Variants in CCDC141 observed in about 807,000 individuals in gnomAD.
CCDC141 encodes the protein coiled-coil domain-containing protein 141.
In CCDC141, 168 loss-of-function variants were observed where a neutral mutation model predicts 181.0. The ratio of observed to expected loss-of-function variants is 0.93; its 90% CI spans 0.82 to 1.05. The LOEUF is 1.05. Ranked by LOEUF, CCDC141 falls within the 50% of genes least tolerant of loss-of-function variation. The pLI is 0.00. For missense variants in CCDC141, 1,902 were observed against 1,788.5 expected (o/e 1.06, Z -1.14); for synonymous variants, 666 against 642.3 (o/e 1.04, Z -0.56).
chr2:178,855,550 AAAAC>A lies in CCDC141; in HGVS notation c.2866-13_2866-10del. 6.4e-7 allele frequency: 1 copy of A among 1,552,564 alleles called. No individual in the cohort carries two copies. Among genetic ancestry groups the A allele is most frequent in the Non-Finnish European group, 8.7e-7 (1 of 1,153,780 alleles). ...ATTTTCCTTTTCAAAGCCTGTGTGA[AAAAC>A]AAAAAGTTTTTTAAACAACATTCAA... On this transcript the variant is annotated splice_polypyrimidine_tract_variant and intron_variant, in intron 18 of 23. Coordinates refer to ENST00000443758, the MANE Select transcript of CCDC141 (RefSeq NM_173648.4).
intron 22 of CCDC141, among the ~76,000 whole-genome samples, chr2:178,843,487 A>G (rs1285472168): frequency 6.6e-6 from 1 of 152,226 alleles, no homozygotes; most frequent in Non-Finnish European, 1.5e-5. Flanking sequence ...ATTGGGAATA[A>G]AACACCATCA....
intron 7 of CCDC141, among the ~76,000 whole-genome samples, chr2:178,909,775 A>G (rs776651123): frequency 2.0e-5 from 3 of 152,174 alleles, no homozygotes; most frequent in Non-Finnish European, 4.4e-5. Flanking sequence ...AGTACAGAAC[A>G]TATTATTTCT....
At chr2:179,040,499 C>G (rs764147071) in intron 2 of CCDC141, among the ~76,000 whole-genome samples, 1 of 152,138 alleles carries the variant, frequency 6.6e-6, no homozygotes, top group Non-Finnish European at 1.5e-5. Context: ...ACCCTAGTAT[C>G]CATTAGGTAT....
intron 6 of CCDC141, among the ~76,000 whole-genome samples, chr2:178,924,283 A>G (rs1044436349): frequency 1.3e-5 from 2 of 152,242 alleles, no homozygotes; most frequent in African/African-American, 4.8e-5. Flanking sequence ...GAGTTCATGT[A>G]TAGTTCCCAA....
intron 2 of CCDC141, 73 bp downstream of exon 2, chr2:179,047,211 G>C: frequency 7.4e-7 from 1 of 1,353,158 alleles, no homozygotes; most frequent in Non-Finnish European, 9.7e-7. Context: ...AACAGCAGAG[G>C]AATCAAGAAG....
At chr2:178,886,683 A>G in intron 10 of CCDC141, 69 bp downstream of exon 10, 1 of 1,017,922 alleles carries the variant, frequency 9.8e-7, no homozygotes, top group Non-Finnish European at 1.4e-6. Context: ...TTAAGTTTAT[A>G]GCTATCAAAT....
chr2:178,990,881 G>A (rs1692021668), intron 2 of CCDC141, among the ~76,000 whole-genome samples: 1 of 152,108 alleles, frequency 6.6e-6, no homozygotes, highest in Non-Finnish European at 1.5e-5. Flanking sequence ...CTAGATAGAG[G>A]TGATGGTTGC....
intron 5 of CCDC141, among the ~76,000 whole-genome samples, chr2:178,949,452 G>C (rs1015950895): frequency 2.6e-5 from 4 of 152,022 alleles, no homozygotes; most frequent in Non-Finnish European, 5.9e-5. Flanking sequence ...TTGTAGGTAG[G>C]GACAGAAATG....
At chr2:178,878,583 TG>T (rs1686458739) in intron 11 of CCDC141, among the ~76,000 whole-genome samples, 1 of 150,584 alleles carries the variant, frequency 6.6e-6, no homozygotes, top group East Asian at 2.0e-4. Flanking sequence ...CCTGTCAAAG[TG>T]CTGGGATTAC....
intron 6 of CCDC141, among the ~76,000 whole-genome samples, chr2:178,941,095 CA>C (rs2154376838): frequency 6.6e-6 from 1 of 152,306 alleles, no homozygotes; most frequent in South Asian, 2.1e-4. Context: ...GCCTCTAAGA[CA>C]ACTCTCCTTA....
rs557898926 is a variant in CCDC141, at chr2:178,954,945, T to C, written c.780+6285A>G. On this transcript the variant is annotated intron_variant, in intron 5 of 23. Coordinates refer to ENST00000443758, the MANE Select transcript of CCDC141 (RefSeq NM_173648.4). ...TAACTGAGTGACACTCAGCTTAGTG[T>C]TCCTGCTGCAATTCTTCACCACTGT... 8.3e-4 allele frequency among the ~76,000 whole-genome samples: 127 copies of C among 152,232 alleles called. 1 individual carries two copies. Among genetic ancestry groups the C allele is most frequent in the African/African-American group, 2.7e-3 (113 of 41,548 alleles).
intron 7 of CCDC141, among the ~76,000 whole-genome samples, chr2:178,916,473 A>C (rs1004962224): frequency 4.0e-5 from 6 of 151,898 alleles, no homozygotes; most frequent in African/African-American, 1.4e-4. Context: ...TTCTTTGAGT[A>C]GATTTACACG....
chr2:178,910,307 A>T (rs1210059587), intron 7 of CCDC141, among the ~76,000 whole-genome samples: 1 of 152,224 alleles, frequency 6.6e-6, no homozygotes, highest in African/African-American at 2.4e-5. Context: ...TGACTAATCA[A>T]CTTGAAGAGA....
At chr2:178,960,683 G>C (rs1690360654) in intron 5 of CCDC141, among the ~76,000 whole-genome samples, 1 of 152,096 alleles carries the variant, frequency 6.6e-6, no homozygotes, top group African/African-American at 2.4e-5. Context: ...CTGCAGCCTG[G>C]GTAATGAGCT....
rs772371715 is a variant in CCDC141 at position 178,918,870 on chromosome 2, G to C, written c.935C>G (p.Ala312Gly). 2 of 1,550,524 alleles carry C rather than the reference G, an allele frequency of 1.3e-6. No homozygotes were observed. Among genetic ancestry groups the C allele is most frequent in the African/African-American group, 1.4e-5 (1 of 73,048 alleles). Residue 312 changes from alanine to glycine, a missense_variant, in exon 7 of 24, where the codon GCA (alanine) becomes GGA (glycine). Physicochemically the swap from Ala to Gly is moderately conservative, Grantham distance 60. Transcript: ENST00000443758. ...NSAVEKLKSE[A>G]LRILLSKDYV... ...GTCCTTTGACAGCAGAATTCTCAGT[G>C]CCTCACTCTTCAGCTTCTCAACAGC...
rs1575374524 is a variant in CCDC141 at position 179,034,803 on chromosome 2, G to C, written c.225+12481C>G. ...ATTGTTTCATTTCTCAGGTAATTCT[G>C]ATGTTGATCTTCTTAAATGTTTACT... is the stretch of plus-strand genomic sequence containing the variant. On this transcript the variant is annotated intron_variant, in intron 2 of 23. Coordinates refer to ENST00000443758, the MANE Select transcript of CCDC141 (RefSeq NM_173648.4). Among the ~76,000 whole-genome samples, 3 of 152,224 alleles carry C rather than the reference G, an allele frequency of 2.0e-5. No homozygotes were observed. The Middle Eastern group carries it at 0.01, about 518-fold the overall frequency.
At chr2:178,998,636 C>G (rs16866587) in intron 2 of CCDC141, among the ~76,000 whole-genome samples, 16,955 of 152,098 alleles carry the variant, frequency 0.11, 1,059 homozygotes, top group African/African-American at 0.15. Flanking sequence ...ATAATTAATA[C>G]TGTTGCATGG....
intron 7 of CCDC141, among the ~76,000 whole-genome samples, chr2:178,917,642 G>A (rs1299167281): frequency 1.3e-5 from 2 of 152,178 alleles, no homozygotes; most frequent in Non-Finnish European, 2.9e-5. Context: ...GTTTGAAGGT[G>A]TATATTACAT....
Position 178,863,914 on chromosome 2 carries a change from G to A in CCDC141, c.2724+1853C>T, listed in dbSNP as rs572500242. 1.7e-4 allele frequency among the ~76,000 whole-genome samples: 26 copies of A among 152,318 alleles called. No individual in the cohort carries two copies. The South Asian group carries it at 5.4e-3, about 32-fold the overall frequency. Reference sequence around the variant, plus strand: ...CTGACACGGTACAGACAATCCTGGGGCGTACCTACTATTGACAGGAAGGGA... The same window carrying A: ...CTGACACGGTACAGACAATCCTGGGACGTACCTACTATTGACAGGAAGGGA... On this transcript the variant is annotated intron_variant, in intron 17 of 23. Coordinates refer to ENST00000443758, the MANE Select transcript of CCDC141 (RefSeq NM_173648.4).
Sources: allele counts gnomAD v4.1 joint callset (sites outside exome capture counted in the v4.1 genomes callset), GRCh38; gene constraint gnomAD v4.1.1; transcripts MANE v1.5; gene names NCBI Gene and HGNC (gene_info 2026-07-23, HGNC 2026-07-21).